GALNT18: variants seen among roughly 807,000 people sequenced by gnomAD.
GALNT18 encodes polypeptide N-acetylgalactosaminyltransferase 18, also known as GalNAc-transferase 18.
A neutral mutation model predicts 69.5 loss-of-function variants in GALNT18; 44 were observed. That is an observed-to-expected ratio of 0.63 (90% CI 0.50 to 0.81). GALNT18 has a LOEUF of 0.81. Among genes scored for constraint, GALNT18 ranks in the 40% least tolerant of loss-of-function variants. GALNT18 has a pLI of 0.00. For missense variants in GALNT18, 715 were observed against 810.0 expected, an observed-to-expected ratio of 0.88 and a Z score of 1.42; for synonymous variants, 364 against 318.2, an observed-to-expected ratio of 1.14 and a Z score of -1.53.
rs573363639 is a variant in GALNT18 at position 11,621,986 on chromosome 11, C to A, written c.-393G>T. On this transcript the variant is annotated 5_prime_UTR_variant, in exon 1 of 11. Coordinates refer to ENST00000227756, the MANE Select transcript of GALNT18 (RefSeq NM_198516.3). The surrounding 1 kb of genome is among the most constrained non-coding windows in gnomAD (Gnocchi z 9.3). ...GGCTGCCTTGGCGGTCCGACCGGCC[C>A]GCGCTGCTAGGAGAACAGCGGCAGC... is the stretch of plus-strand genomic sequence containing the variant. The A allele has an allele frequency of 2.2e-4, 37 of 168,696 alleles. No homozygotes were observed. The highest frequency in any genetic ancestry group is 8.3e-4 in the African/African-American group (35 of 41,976). The allele number at this position is 168,696 out of a possible 1,614,324, so 10.4% of individuals were successfully genotyped here. A position where few individuals can be genotyped will look rare whatever the true frequency, so the allele number is the denominator to read the frequency against.
In GALNT18 at chr11:11,602,499, T is replaced by G. The variant is rs1341655425; in HGVS notation, c.235+18860A>C. On this transcript the variant is annotated intron_variant, in intron 1 of 10. Coordinates refer to ENST00000227756, the MANE Select transcript of GALNT18 (RefSeq NM_198516.3). This position sits in a 1 kb window ranked among gnomAD's most constrained non-coding sequence, Gnocchi z 4.7. ...TGTCCATATCTGTCCAGAGGAGAGC[T>G]TCTGTTTTATTGAGCTGGAATTGGG... is the stretch of plus-strand genomic sequence containing the variant. Among the ~76,000 whole-genome samples, 1 of 152,170 alleles carries G rather than the reference T, an allele frequency of 6.6e-6. No individual in the cohort carries two copies. Among genetic ancestry groups the G allele is most frequent in the African/African-American group, 2.4e-5 (1 of 41,446 alleles).
At chr11:11,359,173 T>C (rs983551461) in intron 6 of GALNT18, among the ~76,000 whole-genome samples, 2 of 140,086 alleles carry the variant, frequency 1.4e-5, no homozygotes, top group South Asian at 2.2e-4. Context: ...TGTTTTTAAT[T>C]AATTTCCTTA....
rs1855990321 is a variant in GALNT18, at chr11:11,459,354, G to A, written c.236-10418C>T. On this transcript the variant is annotated intron_variant, in intron 1 of 10. Transcript: ENST00000227756. This position sits in a 1 kb window ranked among gnomAD's most constrained non-coding sequence, Gnocchi z 5.0. ...GAGGAAGGAGCCCTGACAGTCTCAG[G>A]TCCAACACCATTAAAATCCTCTGTG... 6.6e-6 allele frequency among the ~76,000 whole-genome samples: 1 copy of A among 152,130 alleles called. No individual in the cohort carries two copies. The highest frequency in any genetic ancestry group is 1.5e-5 in the Non-Finnish European group (1 of 68,036).
In GALNT18 at chr11:11,433,173, A is replaced by G. The variant is rs1241346769; in HGVS notation, c.429-386T>C. ...TCGTAGTATTTCCAAAATGGTAACC[A>G]ACACCTAGGTGAGGCCAGACCTCAG... is the stretch of plus-strand genomic sequence containing the variant. On this transcript the variant is annotated intron_variant, in intron 2 of 10. Coordinates refer to ENST00000227756, the MANE Select transcript of GALNT18 (RefSeq NM_198516.3). 2.0e-5 allele frequency among the ~76,000 whole-genome samples: 3 copies of G among 152,254 alleles called. No individual in the cohort carries two copies. The East Asian group carries it at 5.8e-4, about 29-fold the overall frequency.
chr11:11,325,866 A>C (rs1439274723), intron 9 of GALNT18, among the ~76,000 whole-genome samples: 1 of 152,084 alleles, frequency 6.6e-6, no homozygotes, highest in Non-Finnish European at 1.5e-5. Flanking sequence ...AGTCCCCAAA[A>C]AGGACAAGAT....
intron 10 of GALNT18, among the ~76,000 whole-genome samples, chr11:11,282,548 CA>C (rs1249868869): frequency 3.3e-5 from 5 of 152,150 alleles, no homozygotes; most frequent in African/African-American, 4.8e-5. Flanking sequence ...CCTGGGAACC[CA>C]GGGGGGTCTG....
intron 9 of GALNT18, among the ~76,000 whole-genome samples, chr11:11,299,708 A>G (rs1849461212): frequency 6.6e-6 from 1 of 152,120 alleles, no homozygotes; most frequent in African/African-American, 2.4e-5. Context: ...TTCTTTACTC[A>G]TTGGTTAATG....
intron 1 of GALNT18, among the ~76,000 whole-genome samples, chr11:11,525,966 T>C (rs575732113): frequency 1.3e-5 from 2 of 152,194 alleles, no homozygotes; most frequent in East Asian, 1.9e-4. Context: ...CACTGCAACA[T>C]GCTAATGGGG....
chr11:11,345,188 T>C (rs1256963775), intron 6 of GALNT18, among the ~76,000 whole-genome samples: 1 of 152,170 alleles, frequency 6.6e-6, no homozygotes, highest in East Asian at 1.9e-4. Context: ...GGCACTCATC[T>C]ATAGAGAAGG....
intron 9 of GALNT18, among the ~76,000 whole-genome samples, chr11:11,325,263 C>T (rs774544774): frequency 3.3e-5 from 5 of 152,064 alleles, no homozygotes; most frequent in Non-Finnish European, 7.4e-5. Flanking sequence ...GAATGAAAAA[C>T]CAAATATCGT....
At chr11:11,367,789 T>C (rs958992510) in intron 6 of GALNT18, among the ~76,000 whole-genome samples, 72 of 152,254 alleles carry the variant, frequency 4.7e-4, no homozygotes, top group African/African-American at 1.7e-3. Context: ...CCTATTTCAG[T>C]ATCAGAAATT....
At chr11:11,300,626 A>T (rs1030848937) in intron 9 of GALNT18, among the ~76,000 whole-genome samples, 1 of 152,100 alleles carries the variant, frequency 6.6e-6, no homozygotes, top group African/African-American at 2.4e-5. Flanking sequence ...AACTTTTACG[A>T]TTGGACGGTT....
intron 10 of GALNT18, among the ~76,000 whole-genome samples, chr11:11,278,321 A>C (rs747806490): frequency 4.0e-5 from 6 of 150,112 alleles, no homozygotes; most frequent in Non-Finnish European, 8.9e-5. Flanking sequence ...CAACGAGAAC[A>C]CATGGACACG....
intron 1 of GALNT18, among the ~76,000 whole-genome samples, chr11:11,473,513 A>G (rs797013075): frequency 6.6e-6 from 1 of 152,146 alleles, no homozygotes; most frequent in African/African-American, 2.4e-5. Context: ...AGGATTCCAG[A>G]AGGCTCGTTT....
At chr11:11,397,061 G>T (rs548265681) in intron 3 of GALNT18, among the ~76,000 whole-genome samples, 1 of 152,178 alleles carries the variant, frequency 6.6e-6, no homozygotes, top group South Asian at 2.1e-4. Context: ...TACATACACA[G>T]ACCCCCTTTT....
At chr11:11,487,383 T>TTACTCATGTA (rs745446631) in intron 1 of GALNT18, among the ~76,000 whole-genome samples, 27 of 151,756 alleles carry the variant, frequency 1.8e-4, no homozygotes, top group Non-Finnish European at 3.5e-4. Flanking sequence ...TGTAACCAAA[T>TTACTCATGTA]ACCACCTGTT....
intron 1 of GALNT18, among the ~76,000 whole-genome samples, chr11:11,531,827 T>G (rs1320351959): frequency 6.6e-6 from 1 of 152,220 alleles, no homozygotes; most frequent in Non-Finnish European, 1.5e-5. Flanking sequence ...ATCTCTTCAT[T>G]GTGATCCTTT....
intron 10 of GALNT18, among the ~76,000 whole-genome samples, chr11:11,272,147 G>C (rs1375179265): frequency 6.6e-6 from 1 of 152,102 alleles, no homozygotes; most frequent in East Asian, 1.9e-4. Flanking sequence ...TGAGTATATG[G>C]TCAAACTCAC....
Position 11,480,548 on chromosome 11 carries a change from TG to T in GALNT18, c.236-31613del, listed in dbSNP as rs890838637. Among the ~76,000 whole-genome samples the T allele has an allele frequency of 2.8e-4, 3 of 10,550 alleles. No individual in the cohort carries two copies. The highest frequency in any genetic ancestry group is 3.1e-4 in the African/African-American group (3 of 9,776). 6.9% of individuals were successfully genotyped at this position (10,550 alleles called of 152,430 possible). The stretch of plus-strand genomic sequence containing the variant: ...TATCAGACACTCTGCTTCTAGTGTC[TG>T]GTTAGAAAGAGGCTCTGAGCAGTCT... On this transcript the variant is annotated intron_variant, in intron 1 of 10. Coordinates refer to ENST00000227756, the MANE Select transcript of GALNT18 (RefSeq NM_198516.3). This position sits in a 1 kb window ranked among gnomAD's most constrained non-coding sequence, Gnocchi z 4.6.
Sources: gnomAD v4.1 joint callset for allele counts (sites outside exome capture counted in the v4.1 genomes callset) on GRCh38, gnomAD v4.1.1 for gene constraint, Gnocchi (gnomAD v3.1) non-coding constraint, MANE v1.5 for transcripts, NCBI Gene and HGNC (gene_info 2026-07-23, HGNC 2026-07-21) for gene names.